The following STARD9 variants were observed in gnomAD, a reference collection of about 807,000 sequenced individuals.
The protein encoded by STARD9 is StAR related lipid transfer domain containing 9, also known as stAR-related lipid transfer protein 9.
Under a neutral mutation model 399.8 loss-of-function variants are expected in STARD9, and 346 were observed. The ratio of observed to expected loss-of-function variants is 0.87; its 90% CI spans 0.79 to 0.95. The LOEUF (loss-of-function observed/expected upper bound fraction) is 0.95, where lower values mean the gene tolerates loss of function less well. STARD9 is among the 40% of genes least tolerant of loss of function. STARD9 has a pLI of 0.00. For synonymous variants in STARD9, 2,203 were observed against 2,143.5 expected, an observed-to-expected ratio of 1.03 and a Z score of -0.77; for missense variants, 5,832 against 5,667.5, an observed-to-expected ratio of 1.03 and a Z score of -0.93.
intron 26 of STARD9, among the ~76,000 whole-genome samples, chr15:42,705,444 A>AT (rs1255975827): frequency 1.3e-5 from 2 of 151,480 alleles, no homozygotes; most frequent in Non-Finnish European, 2.9e-5. Flanking sequence ...TTGTTTGTTT[A>AT]TTTTTTTGAG....
Position 42,685,074 on chromosome 15 carries a change from A to T in STARD9, c.3496A>T (p.Asn1166Tyr). Residue 1166 changes from asparagine (N) to tyrosine (Y), a missense_variant, in exon 23 of 33, where the codon AAT (asparagine) becomes TAT (tyrosine). Transcript: ENST00000290607. ...AAGCCCCAAAAACAGGCTAGGGGGC[A>T]ATCGTCCCACCAACAACCGTGGCCA... ...YQSPKNRLGG[N>Y]RPTNNRGQPR... 6.5e-7 allele frequency: 1 copy of T among 1,537,196 alleles called. No individual in the cohort carries two copies. The highest frequency in any genetic ancestry group is 8.7e-7 in the Non-Finnish European group (1 of 1,146,922).
Position 42,684,674 on chromosome 15 carries a change from C to G in STARD9, c.3096C>G (p.Tyr1032Ter). 1 of 1,537,122 alleles carries G rather than the reference C, an allele frequency of 6.5e-7. No homozygotes were observed. The highest frequency in any genetic ancestry group is 1.2e-5 in the South Asian group (1 of 84,056). ...GKAVKTFWTE[Y>*]KPPSPSRASK... ...CAGTCAAGACTTTTTGGACAGAATA[C>G]AAACCACCTTCTCCAAGCAGGGCAT... is the stretch of plus-strand genomic sequence containing the variant. Residue 1032 changes from tyrosine to a stop codon, truncating the protein, a stop_gained, in exon 23 of 33, where the codon TAC (tyrosine) becomes TAG (stop). Transcript: ENST00000290607. LOFTEE classifies it high-confidence loss of function.
chr15:42,643,386 G>A (rs982858828), intron 7 of STARD9, among the ~76,000 whole-genome samples: 4 of 152,074 alleles, frequency 2.6e-5, no homozygotes, highest in Admixed American at 6.6e-5. Context: ...AGTAGAGACG[G>A]GGTTTCACCA....
chr15:42,626,751 A>G (rs1230417094), intron 3 of STARD9, among the ~76,000 whole-genome samples: 1 of 149,580 alleles, frequency 6.7e-6, no homozygotes, highest in Non-Finnish European at 1.5e-5. Context: ...ACCCCAGGTG[A>G]TCCACCCACC....
chr15:42,601,475 C>T (rs1223997661), intron 3 of STARD9, among the ~76,000 whole-genome samples: 68 of 150,950 alleles, frequency 4.5e-4, no homozygotes, highest in Non-Finnish European at 6.5e-4. Context: ...CCAGACGGGG[C>T]GGCGGCCGGG....
chr15:42,657,377 G>A (rs982774603), intron 9 of STARD9, among the ~76,000 whole-genome samples: 1 of 150,616 alleles, frequency 6.6e-6, no homozygotes, highest in Non-Finnish European at 1.5e-5. Flanking sequence ...AAAAAAAAAG[G>A]TTTTAAGACA....
At position 42,717,771 on chromosome 15, in the gene STARD9, G is replaced by C. The variant is rs1048414046; in HGVS notation, c.13535G>C (p.Ser4512Thr). The C allele has an allele frequency of 1.3e-6, 2 of 1,537,108 alleles. No individual in the cohort carries two copies. Among genetic ancestry groups the C allele is most frequent in the Non-Finnish European group, 1.7e-6 (2 of 1,146,904 alleles). Residue 4512 changes from serine (S) to threonine (T), a missense_variant, in exon 29 of 33, where the codon AGC becomes ACC. Ser to Thr is a moderately conservative substitution (Grantham distance 58, BLOSUM62 1). Transcript: ENST00000290607. ...ACSDNLHNLF[S>T]CQATAGWNYQ... ...TCGGATAATTTGCACAACCTCTTCAGCTGCCAGGCAACTGCTGGCTGGAAG... is the reference window on the plus strand; with the variant it reads ...TCGGATAATTTGCACAACCTCTTCACCTGCCAGGCAACTGCTGGCTGGAAG...
intron 9 of STARD9, 114 bp downstream of exon 9, chr15:42,652,706 C>CAAAA: frequency 6.2e-6 from 6 of 960,194 alleles, no homozygotes; most frequent in Non-Finnish European, 9.5e-6. Context: ...GACAGGGTCT[C>CAAAA]AGTCTGTTGC....
chr15:42,689,026 C>G lies in STARD9; in HGVS notation c.7448C>G (p.Ser2483Cys), dbSNP rs1469696610. The change falls in exon 23 of 33, where the codon TCT becomes TGT. Residue 2483 changes from serine to cysteine, a missense_variant. Ser to Cys is a moderately radical substitution (Grantham distance 112, BLOSUM62 -1). Transcript: ENST00000290607. Reference sequence around the variant, plus strand: ...AGAGTCAGTTCACTGAACAAGGTCTCTAGCCAGCCTGAAAAGAGGGTCAGC... The same window carrying G: ...AGAGTCAGTTCACTGAACAAGGTCTGTAGCCAGCCTGAAAAGAGGGTCAGC... ...EIRVSSLNKV[S>C]SQPEKRVSFS... 1.3e-6 allele frequency: 2 copies of G among 1,537,204 alleles called. No individual in the cohort carries two copies. Among genetic ancestry groups the G allele is most frequent in the Admixed American group, 2.0e-5 (1 of 50,984 alleles).
At chr15:42,620,508 G>T (rs1167841635) in intron 3 of STARD9, among the ~76,000 whole-genome samples, 2 of 151,948 alleles carry the variant, frequency 1.3e-5, no homozygotes, top group Admixed American at 6.6e-5. Flanking sequence ...GGAAATTAAA[G>T]TGTTAATTGC....
chr15:42,610,335 C>T (rs1019464496), intron 3 of STARD9, among the ~76,000 whole-genome samples: 1 of 152,066 alleles, frequency 6.6e-6, no homozygotes, highest in South Asian at 2.1e-4. Context: ...CCTTTGATTG[C>T]TGGGATATGA....
chr15:42,613,690 C>T (rs979619823), intron 3 of STARD9, among the ~76,000 whole-genome samples: 1 of 152,100 alleles, frequency 6.6e-6, no homozygotes, highest in South Asian at 2.1e-4. Flanking sequence ...ATCGGCTGGG[C>T]GAGATGGCTC....
At chr15:42,707,825 A>G (rs2061123090) in intron 26 of STARD9, among the ~76,000 whole-genome samples, 1 of 152,130 alleles carries the variant, frequency 6.6e-6, no homozygotes, top group South Asian at 2.1e-4. Flanking sequence ...AAAAAGATAC[A>G]CTCTAAGCAC....
At chr15:42,624,805 T>C (rs1298355983) in intron 3 of STARD9, among the ~76,000 whole-genome samples, 1 of 152,186 alleles carries the variant, frequency 6.6e-6, no homozygotes, top group Non-Finnish European at 1.5e-5. Context: ...TGCCCTGGCC[T>C]CCCTAAGTTC....
intron 30 of STARD9, 25 bp downstream of exon 30, chr15:42,718,204 C>G: frequency 6.5e-7 from 1 of 1,529,382 alleles, no homozygotes; most frequent in African/African-American, 1.4e-5. Flanking sequence ...GGAAGGCTTC[C>G]ATGGGGCCTA....
intron 9 of STARD9, among the ~76,000 whole-genome samples, chr15:42,660,951 G>GT (rs59202724): frequency 0.011 from 1,592 of 144,004 alleles, 12 homozygotes; most frequent in Non-Finnish European, 0.013. Flanking sequence ...TTTTTGTTTT[G>GT]TTTTTTTTTT....
intron 25 of STARD9, 105 bp from the exon 26 acceptor site, chr15:42,695,638 C>G: frequency 2.3e-6 from 3 of 1,311,514 alleles, no homozygotes; most frequent in Non-Finnish European, 3.1e-6. Flanking sequence ...GGTGAAGGAG[C>G]AGTAGAGGTG....
In STARD9 at chr15:42,691,522, C is replaced by T; in HGVS notation, c.9944C>T (p.Pro3315Leu). 6.5e-7 allele frequency: 1 copy of T among 1,537,250 alleles called. No homozygotes were observed. The change falls in exon 23 of 33, where the codon CCC becomes CTC. Residue 3315 changes from proline to leucine, a missense_variant. By Grantham distance (98) the Pro-to-Leu change is moderately conservative. This residue lies in a region of STARD9 where 5,828 missense variants were observed against 5,651.1 expected (regional missense o/e 1.03). Coordinates refer to ENST00000290607, the MANE Select transcript of STARD9 (RefSeq NM_020759.3). ...CCTGTGACTACAATCTTCTCTGGCC[C>T]CAAACACTCCAGGTCCTCCCCCACA... is the stretch of plus-strand genomic sequence containing the variant. The part of the protein sequence containing the change: ...SLPVTTIFSG[P>L]KHSRSSPTPQ...
rs759962165 is a variant in STARD9 at position 42,690,102 on chromosome 15, A to G, written c.8524A>G (p.Thr2842Ala). ...QDHVQCPEAS[T>A]GFEEGRASPK... ...CCATGTCCAATGCCCTGAGGCTTCT[A>G]CTGGCTTTGAAGAAGGTAGGGCAAG... Residue 2842 changes from threonine (T) to alanine (A), a missense_variant, in exon 23 of 33, where the codon ACT becomes GCT. Thr to Ala is a moderately conservative substitution (Grantham distance 58, BLOSUM62 0). This residue lies in a region of STARD9 where 5,828 missense variants were observed against 5,651.1 expected (regional missense o/e 1.03). Coordinates refer to ENST00000290607, the MANE Select transcript of STARD9 (RefSeq NM_020759.3). The G allele has an allele frequency of 6.5e-6, 10 of 1,537,756 alleles. No homozygotes were observed. The highest frequency in any genetic ancestry group is 1.2e-5 in the South Asian group (1 of 84,064).
Sources: allele counts gnomAD v4.1 joint callset (sites outside exome capture counted in the v4.1 genomes callset), GRCh38; gene constraint gnomAD v4.1.1; regional missense constraint gnomAD v4.1.1; transcripts MANE v1.5; gene names NCBI Gene and HGNC (gene_info 2026-07-23, HGNC 2026-07-21).